Variants in ANKRD36B observed in about 807,000 individuals in gnomAD.
ANKRD36B encodes ankyrin repeat domain 36B.
A neutral mutation model predicts 135.7 loss-of-function variants in ANKRD36B; 37 were observed. The observed-to-expected ratio is 0.27, with a 90% CI of 0.21 to 0.36. The LOEUF is 0.36. Ranked by LOEUF, ANKRD36B falls within the 10% of genes least tolerant of loss-of-function variation. The pLI is 1.00. For missense variants in ANKRD36B, 549 were observed against 1,037.1 expected (o/e 0.53, Z 6.46); for synonymous variants, 179 against 348.1 (o/e 0.51, Z 5.41).
chr2:97,542,247 G>A, intron 26 of ANKRD36B, 140 bp from the exon 27 acceptor site: 1 of 334,112 alleles, frequency 3.0e-6, no homozygotes, highest in Admixed American at 4.6e-5. Flanking sequence ...TGTGTTTTGG[G>A]ATGGGAACAT....
chr2:97,549,470 A>G lies in ANKRD36B; in HGVS notation c.1426T>C (p.Ser476Pro), dbSNP rs550418905. 7 of 1,591,746 alleles carry G rather than the reference A, an allele frequency of 4.4e-6. No homozygotes were observed. Among genetic ancestry groups the G allele is most frequent in the Non-Finnish European group, 5.1e-6 (6 of 1,168,762 alleles). ...TTTTCTCTGGCTATATTCAAAACAG[A>G]ATCTTCCTTGACACTTGTAGCCTGA... is the stretch of plus-strand genomic sequence containing the variant. The part of the protein sequence containing the change: ...ALKATSVKED[S>P]VLNIAREKKD... The change falls in exon 20 of 44, where the codon TCT becomes CCT. Residue 476 changes from serine (S) to proline (P), a missense_variant. Ser to Pro is a moderately conservative substitution (Grantham distance 74). Coordinates refer to ENST00000359901, the MANE Select transcript of ANKRD36B (RefSeq NM_001393939.1).
chr2:97,530,370 G>A (rs2078505662), intron 35 of ANKRD36B, among the ~76,000 whole-genome samples: 1 of 93,654 alleles, frequency 1.1e-5, no homozygotes, highest in African/African-American at 3.3e-5. Context: ...CGCTGCAACT[G>A]GATCCCTTCC....
chr2:97,567,431 C>G (rs1480273801), intron 6 of ANKRD36B, among the ~76,000 whole-genome samples: 2 of 151,770 alleles, frequency 1.3e-5, no homozygotes, highest in Non-Finnish European at 2.9e-5. Context: ...ACACCCTGAT[C>G]ACTATGATGA....
At chr2:97,552,538 C>T (rs897805146) in intron 16 of ANKRD36B, among the ~76,000 whole-genome samples, 2 of 151,908 alleles carry the variant, frequency 1.3e-5, no homozygotes, top group African/African-American at 4.8e-5. Flanking sequence ...CCAATTCTAG[C>T]ATTGTTTCCT....
chr2:97,549,064 C>G (rs2079778315), intron 20 of ANKRD36B, among the ~76,000 whole-genome samples: 2 of 151,836 alleles, frequency 1.3e-5, no homozygotes, highest in Admixed American at 6.6e-5. Flanking sequence ...GATGTGATGT[C>G]TGTAAAATCG....
intron 1 of ANKRD36B, among the ~76,000 whole-genome samples, chr2:97,588,540 CAA>C (rs2083185254): frequency 6.6e-6 from 1 of 152,010 alleles, no homozygotes; most frequent in African/African-American, 2.4e-5. Context: ...GACTCCATTT[CAA>C]AAGTTTTCTT....
intron 6 of ANKRD36B, among the ~76,000 whole-genome samples, chr2:97,562,206 ACTT>A (rs201329942): frequency 0.075 from 11,314 of 151,656 alleles, 1,079 homozygotes; most frequent in African/African-American, 0.22. Context: ...ATCACTAGAG[ACTT>A]CTTTTCTTAT....
At chr2:97,563,877 T>C (rs2081234190) in intron 6 of ANKRD36B, among the ~76,000 whole-genome samples, 1 of 152,142 alleles carries the variant, frequency 6.6e-6, no homozygotes, top group African/African-American at 2.4e-5. Context: ...CATATTTATG[T>C]CCATATGGTA....
At chr2:97,526,341 G>T (rs1235306601) in intron 35 of ANKRD36B, among the ~76,000 whole-genome samples, 1 of 97,764 alleles carries the variant, frequency 1.0e-5, no homozygotes, top group East Asian at 2.3e-4. Flanking sequence ...GCAGCTGAGG[G>T]TCCTGTCTGG....
At chr2:97,496,598 A>G (rs2077308436) in intron 43 of ANKRD36B, among the ~76,000 whole-genome samples, 1 of 53,768 alleles carries the variant, frequency 1.9e-5, no homozygotes, top group African/African-American at 6.4e-5. Flanking sequence ...TGGTTACATT[A>G]AAACATTAAA....
rs1402506977 is a variant in ANKRD36B at position 97,531,219 on chromosome 2, T to C, written c.2265+1092A>G. On this transcript the variant is annotated intron_variant, in intron 35 of 43. Coordinates refer to ENST00000359901, the MANE Select transcript of ANKRD36B (RefSeq NM_001393939.1). ...GGCACATATACACCATGGAATACTA[T>C]GCAGCCATAAAAAATGATGAGTTCA... Among the ~76,000 whole-genome samples, 2 of 89,922 alleles carry C rather than the reference T, an allele frequency of 2.2e-5. 1 individual carries two copies. The highest frequency in any genetic ancestry group is 5.9e-5 in the Non-Finnish European group (2 of 33,800). 59.0% of individuals were successfully genotyped at this position (89,922 alleles called of 152,430 possible).
rs1279258412 is a variant in ANKRD36B, at chr2:97,527,965, C to T, written c.2265+4346G>A. ...ACACAATAATAATGGGAGACTTTAA[C>T]ATCCCACTGTCAACATTAGACAGAT... is the stretch of plus-strand genomic sequence containing the variant. On this transcript the variant is annotated intron_variant, in intron 35 of 43. Coordinates refer to ENST00000359901, the MANE Select transcript of ANKRD36B (RefSeq NM_001393939.1). Among the ~76,000 whole-genome samples the T allele has an allele frequency of 3.1e-5, 3 of 96,054 alleles. 1 individual carries two copies. In the East Asian group the frequency reaches 6.9e-4, roughly 22 times the overall value. 63.0% of individuals were successfully genotyped at this position (96,054 alleles called of 152,430 possible).
At chr2:97,564,550 T>C (rs2081294286) in intron 6 of ANKRD36B, among the ~76,000 whole-genome samples, 1 of 152,188 alleles carries the variant, frequency 6.6e-6, no homozygotes, top group African/African-American at 2.4e-5. Context: ...GAGTTAATTT[T>C]TGTATAAAGT....
chr2:97,564,119 G>C (rs1217913748), intron 6 of ANKRD36B, among the ~76,000 whole-genome samples: 1 of 151,616 alleles, frequency 6.6e-6, no homozygotes, highest in African/African-American at 2.4e-5. Flanking sequence ...CACATATGTT[G>C]TAAGAGGTTT....
intron 6 of ANKRD36B, among the ~76,000 whole-genome samples, chr2:97,562,632 A>T (rs2081128891): frequency 6.6e-6 from 1 of 152,004 alleles, no homozygotes; most frequent in Non-Finnish European, 1.5e-5. Flanking sequence ...CCAATTTGAC[A>T]TACATTTTTT....
At chr2:97,528,836 C>A in intron 35 of ANKRD36B, among the ~76,000 whole-genome samples, 1 of 95,476 alleles carries the variant, frequency 1.0e-5, no homozygotes, top group Non-Finnish European at 2.8e-5. Flanking sequence ...CACATACACC[C>A]TCCCAAGACT....
At position 97,556,908 on chromosome 2, in the gene ANKRD36B, A is replaced by G. The variant is rs757825636; in HGVS notation, c.1069+29T>C. ...ACGTTCTCTTCTGTCTTGAGTGCAC[A>G]TGACATTAAATGTGTATTGCCAAAT... On this transcript the variant is annotated intron_variant, in intron 12 of 43. Transcript: ENST00000359901. The G allele has an allele frequency of 8.9e-6, 14 of 1,565,396 alleles. No homozygotes were observed. In the South Asian group the frequency reaches 1.1e-4, roughly 12 times the overall value.
In ANKRD36B at chr2:97,558,876, A is replaced by T. The variant is rs1367050326; in HGVS notation, c.895-5T>A. On this transcript the variant is annotated splice_polypyrimidine_tract_variant and splice_region_variant and intron_variant, in intron 9 of 43. Transcript: ENST00000359901. ...ATCTTTCTCGTCACTTGTAGCCTGA[A>T]TGGGATTTGAAACAAAATAATCAAT... The T allele has an allele frequency of 2.5e-6, 4 of 1,610,910 alleles. No individual in the cohort carries two copies. Among genetic ancestry groups the T allele is most frequent in the Non-Finnish European group, 3.4e-6 (4 of 1,178,820 alleles).
chr2:97,586,215 A>C (rs2922622), intron 1 of ANKRD36B, among the ~76,000 whole-genome samples: 1 of 152,236 alleles, frequency 6.6e-6, no homozygotes, highest in Non-Finnish European at 1.5e-5. Flanking sequence ...ACTTTCAAAA[A>C]AAAATAATCC....
Sources: gnomAD v4.1 joint callset for allele counts (sites outside exome capture counted in the v4.1 genomes callset) on GRCh38, gnomAD v4.1.1 for gene constraint, MANE v1.5 for transcripts, NCBI Gene and HGNC (gene_info 2026-07-23, HGNC 2026-07-21) for gene names.